Variants in PLCB1 observed in about 807,000 individuals in gnomAD.
PLCB1 encodes the protein phospholipase C beta 1.
In PLCB1, 46 loss-of-function variants were observed where a neutral mutation model predicts 161.8. That is an observed-to-expected ratio of 0.28 (90% confidence interval 0.22 to 0.36). The LOEUF is 0.36. PLCB1 is among the 10% of genes least tolerant of loss of function. The probability of loss-of-function intolerance (pLI) is 1.00; values close to 1 mark genes in which losing one functional copy is unlikely to be tolerated. For missense variants in PLCB1, 1,016 were observed against 1,472.5 expected, an observed-to-expected ratio of 0.69 and a Z score of 5.07; for synonymous variants, 517 against 503.7, an observed-to-expected ratio of 1.03 and a Z score of -0.35.
chr20:8,227,014 TA>T (rs1979731076), intron 2 of PLCB1, among the ~76,000 whole-genome samples: 1 of 152,168 alleles, frequency 6.6e-6, no homozygotes, highest in African/African-American at 2.4e-5. Context: ...AAAATATTTT[TA>T]TTTAGCCTAA....
At chr20:8,510,191 T>A (rs1254229879) in intron 3 of PLCB1, among the ~76,000 whole-genome samples, 1 of 152,192 alleles carries the variant, frequency 6.6e-6, no homozygotes, top group East Asian at 1.9e-4. Context: ...ACTGTACTGA[T>A]AATTTTAGTG....
intron 3 of PLCB1, among the ~76,000 whole-genome samples, chr20:8,593,449 C>T (rs575093612): frequency 6.6e-6 from 1 of 152,198 alleles, no homozygotes; most frequent in Admixed American, 6.5e-5. Flanking sequence ...CTGACTTAGT[C>T]TCTCAAAGTG....
intron 4 of PLCB1, among the ~76,000 whole-genome samples, chr20:8,629,998 CT>C (rs374649264): frequency 3.3e-4 from 19 of 57,072 alleles, no homozygotes; most frequent in African/African-American, 1.2e-3. Context: ...TTCTTTCTTT[CT>C]TTCTTTCTTT....
chr20:8,682,293 G>A (rs1990241685), intron 9 of PLCB1, among the ~76,000 whole-genome samples: 1 of 152,058 alleles, frequency 6.6e-6, no homozygotes, highest in Admixed American at 6.6e-5. Flanking sequence ...TTGAGTACAG[G>A]TGTTCAAGAC....
chr20:8,513,688 G>A (rs983071801), intron 3 of PLCB1, among the ~76,000 whole-genome samples: 8 of 152,080 alleles, frequency 5.3e-5, no homozygotes, highest in African/African-American at 1.9e-4. Context: ...TGCTTTCAGT[G>A]AAATGATAAA....
intron 3 of PLCB1, among the ~76,000 whole-genome samples, chr20:8,577,167 A>C (rs1351504230): frequency 1.3e-5 from 2 of 152,072 alleles, no homozygotes; most frequent in Non-Finnish European, 2.9e-5. Context: ...CGGTGGCCCA[A>C]GCCTGTAATC....
intron 3 of PLCB1, among the ~76,000 whole-genome samples, chr20:8,584,139 C>T (rs998655066): frequency 9.2e-5 from 14 of 152,102 alleles, no homozygotes; most frequent in African/African-American, 3.1e-4. Flanking sequence ...TCGCTTTGAA[C>T]AATTTTTTTG....
chr20:8,560,909 C>G (rs942207613), intron 3 of PLCB1, among the ~76,000 whole-genome samples: 9 of 151,914 alleles, frequency 5.9e-5, no homozygotes, highest in African/African-American at 2.2e-4. Flanking sequence ...CGGATTTTCT[C>G]CATGTTCACT....
At chr20:8,231,709 C>G (rs1167989054) in intron 2 of PLCB1, among the ~76,000 whole-genome samples, 1 of 89,872 alleles carries the variant, frequency 1.1e-5, no homozygotes, top group South Asian at 5.3e-4. Flanking sequence ...ATGAGTGAAC[C>G]CATTGACCAA....
intron 3 of PLCB1, among the ~76,000 whole-genome samples, chr20:8,485,283 TG>T (rs1371218067): frequency 6.6e-6 from 1 of 152,202 alleles, no homozygotes; most frequent in Non-Finnish European, 1.5e-5. Context: ...TTGTCTCCAT[TG>T]GGTTTTTTAT....
chr20:8,626,451 GT>G (rs1988350998), intron 3 of PLCB1, among the ~76,000 whole-genome samples: 1 of 152,204 alleles, frequency 6.6e-6, no homozygotes, highest in South Asian at 2.1e-4. Context: ...CCAATCATCT[GT>G]TTATCAAGTT....
chr20:8,537,568 C>T (rs2179439), intron 3 of PLCB1, among the ~76,000 whole-genome samples: 1 of 151,858 alleles, frequency 6.6e-6, no homozygotes, highest in Admixed American at 6.5e-5. Flanking sequence ...GTGGGGTGTG[C>T]GGGGAGCCCT....
chr20:8,213,511 G>A (rs529302679), intron 2 of PLCB1, among the ~76,000 whole-genome samples: 1 of 152,236 alleles, frequency 6.6e-6, no homozygotes, highest in African/African-American at 2.4e-5. Context: ...AGTTGTTGAA[G>A]TTATAAGGCC....
intron 3 of PLCB1, among the ~76,000 whole-genome samples, chr20:8,575,771 G>A (rs1986657198): frequency 6.6e-6 from 1 of 152,166 alleles, no homozygotes; most frequent in Admixed American, 6.5e-5. Flanking sequence ...ATTTCCGTTT[G>A]GATTAACATC....
At chr20:8,523,492 C>CAATATATATATATA in intron 3 of PLCB1, among the ~76,000 whole-genome samples, 1 of 61,858 alleles carries the variant, frequency 1.6e-5, no homozygotes, top group East Asian at 3.2e-4. Context: ...CTCTCTCTCT[C>CAATATATATATATA]TCTCTATATA....
At chr20:8,521,532 A>G (rs1009679419) in intron 3 of PLCB1, among the ~76,000 whole-genome samples, 1 of 152,062 alleles carries the variant, frequency 6.6e-6, no homozygotes, top group Non-Finnish European at 1.5e-5. Context: ...GGAGAAAACC[A>G]GTCTCTATAA....
At position 8,316,955 on chromosome 20, in the gene PLCB1, C is replaced by T. The variant is rs57067448; in HGVS notation, c.178-54427C>T. On this transcript the variant is annotated intron_variant, in intron 2 of 31. Coordinates refer to ENST00000338037, the MANE Select transcript of PLCB1 (RefSeq NM_015192.4). ...GCCTACTTTCTGTCTATACCCACCC[C>T]CGGCCCAGATACCCTCAAACAAGAA... is the stretch of plus-strand genomic sequence containing the variant. Among the ~76,000 whole-genome samples, 761 of 133,270 alleles carry T rather than the reference C, an allele frequency of 5.7e-3. 5 individuals carry two copies. Among genetic ancestry groups the T allele is most frequent in the African/African-American group, 0.018 (682 of 37,266 alleles). The allele number at this position is 133,270 out of a possible 152,430, so 87.4% of individuals were successfully genotyped here. A position where few individuals can be genotyped will look rare whatever the true frequency, so the allele number is the denominator to read the frequency against.
chr20:8,788,816 C>G (rs530889503), intron 29 of PLCB1, 94 bp downstream of exon 29: 1 of 776,554 alleles, frequency 1.3e-6, no homozygotes, highest in Non-Finnish European at 2.1e-6. Context: ...GTCAAAGACT[C>G]CTTCGTGAAG....
chr20:8,712,776 A>G (rs1434068084), intron 12 of PLCB1, among the ~76,000 whole-genome samples: 1 of 152,188 alleles, frequency 6.6e-6, no homozygotes, highest in East Asian at 1.9e-4. Flanking sequence ...CCTCGGTCAG[A>G]AAAACTGACC....
Sources: allele counts gnomAD v4.1 joint callset (sites outside exome capture counted in the v4.1 genomes callset), GRCh38; gene constraint gnomAD v4.1.1; transcripts MANE v1.5; gene names NCBI Gene and HGNC (gene_info 2026-07-23, HGNC 2026-07-21).